DAAM1: variants seen among roughly 807,000 people sequenced by gnomAD.
DAAM1 encodes the protein dishevelled associated activator of morphogenesis 1, also known as disheveled-associated activator of morphogenesis 1.
DAAM1 carries 52 observed loss-of-function variants against 130.0 expected under a neutral mutation model. The observed-to-expected ratio is 0.40, with a 90% CI of 0.32 to 0.50. The LOEUF (loss-of-function observed/expected upper bound fraction) is 0.50, where lower values mean the gene tolerates loss of function less well. Ranked by LOEUF, DAAM1 falls within the 20% of genes least tolerant of loss-of-function variation. The probability of loss-of-function intolerance (pLI) is 0.61; values close to 1 mark genes in which losing one functional copy is unlikely to be tolerated. For synonymous variants in DAAM1, 452 were observed against 444.5 expected, an observed-to-expected ratio of 1.02 and a Z score of -0.21; for missense variants, 1,134 against 1,303.8, an observed-to-expected ratio of 0.87 and a Z score of 2.01.
chr14:59,342,003 A>G (rs1357890492), intron 16 of DAAM1, among the ~76,000 whole-genome samples: 80 of 152,222 alleles, frequency 5.3e-4, no homozygotes, highest in Non-Finnish European at 5.1e-4. Flanking sequence ...ATAAGGTTAC[A>G]TCTCTTTCTG....
Position 59,236,464 on chromosome 14 carries a change from C to A in DAAM1, c.-37-26977C>A, listed in dbSNP as rs181224784. Among the ~76,000 whole-genome samples the A allele has an allele frequency of 2.0e-5, 3 of 152,226 alleles. No homozygotes were observed. The East Asian group carries it at 5.8e-4, about 29-fold the overall frequency. On this transcript the variant is annotated intron_variant, in intron 1 of 24. Transcript: ENST00000360909. ...GAGCATGCCTCACCTTTTCTCCCTT[C>A]AAGCATTTGCTCTCTGGCTGGAACA...
intron 1 of DAAM1, among the ~76,000 whole-genome samples, chr14:59,261,687 G>T (rs1882164095): frequency 6.6e-6 from 1 of 152,148 alleles, no homozygotes; most frequent in Admixed American, 6.5e-5. Flanking sequence ...GGAAGTCTCT[G>T]GAAATTATAG....
chr14:59,342,980 C>T (rs1885910979), intron 16 of DAAM1, among the ~76,000 whole-genome samples: 1 of 152,090 alleles, frequency 6.6e-6, no homozygotes, highest in Non-Finnish European at 1.5e-5. Flanking sequence ...GCAGGAGAGC[C>T]CGAAATTCAG....
At chr14:59,310,624 G>A (rs1884551190) in intron 3 of DAAM1, among the ~76,000 whole-genome samples, 2 of 152,156 alleles carry the variant, frequency 1.3e-5, no homozygotes, top group African/African-American at 4.8e-5. Flanking sequence ...TTCACTTTGT[G>A]TCATACTGAA....
intron 23 of DAAM1, among the ~76,000 whole-genome samples, chr14:59,365,701 T>TA (rs756044771): frequency 1.3e-5 from 2 of 151,976 alleles, no homozygotes; most frequent in African/African-American, 4.8e-5. Flanking sequence ...AGTAAAGCAA[T>TA]AAAAAAACCA....
intron 1 of DAAM1, among the ~76,000 whole-genome samples, chr14:59,246,913 G>T (rs755524451): frequency 6.6e-6 from 1 of 151,976 alleles, no homozygotes; most frequent in Non-Finnish European, 1.5e-5. Flanking sequence ...TTGGTTTTTT[G>T]TTGTTGGATT....
chr14:59,294,100 T>C (rs1883857418), intron 3 of DAAM1, among the ~76,000 whole-genome samples: 2 of 152,104 alleles, frequency 1.3e-5, no homozygotes, highest in Admixed American at 1.3e-4. Flanking sequence ...TTCTCACACA[T>C]AGTAAAGTCA....
At chr14:59,196,725 A>C (rs1020089194) in intron 1 of DAAM1, among the ~76,000 whole-genome samples, 2 of 152,056 alleles carry the variant, frequency 1.3e-5, no homozygotes, top group East Asian at 1.9e-4. Flanking sequence ...CCTGGGTGAC[A>C]GAGCGAGATT....
chr14:59,360,305 A>G (rs564381091), intron 21 of DAAM1, among the ~76,000 whole-genome samples: 1 of 152,368 alleles, frequency 6.6e-6, no homozygotes, highest in East Asian at 1.9e-4. Flanking sequence ...AGTTAATACA[A>G]CTTTAAGAAA....
chr14:59,315,733 C>T (rs1566699322), intron 4 of DAAM1, among the ~76,000 whole-genome samples: 1 of 152,168 alleles, frequency 6.6e-6, no homozygotes, highest in Non-Finnish European at 1.5e-5. Context: ...TAAGCGATTT[C>T]TTTACTATAT....
chr14:59,212,231 A>G (rs934997000), intron 1 of DAAM1, among the ~76,000 whole-genome samples: 1 of 152,232 alleles, frequency 6.6e-6, no homozygotes, highest in Non-Finnish European at 1.5e-5. Flanking sequence ...GTATGTGATC[A>G]TAATAATGCC....
rs17096105 is a variant in DAAM1 at position 59,331,520 on chromosome 14, G to A, written c.1860+12G>A. 96,300 of 1,567,786 alleles carry A rather than the reference G, an allele frequency of 0.061. 4,757 individuals are homozygous for A. Among genetic ancestry groups the A allele is most frequent in the African/African-American group, 0.26 (19,240 of 73,428 alleles). The stretch of plus-strand genomic sequence containing the variant: ...CTAAACTGCCCGAGGTGAGCCATTT[G>A]TTCCAGTTTTCCCTTTAATGGATAG... On this transcript the variant is annotated intron_variant, in intron 14 of 24. Transcript: ENST00000360909.
chr14:59,253,024 A>AT (rs1351220501), intron 1 of DAAM1, among the ~76,000 whole-genome samples: 2 of 151,898 alleles, frequency 1.3e-5, no homozygotes, highest in Admixed American at 6.6e-5. Context: ...CTAATCTTAG[A>AT]TTTTTTCGTG....
At chr14:59,271,657 G>A (rs1882712894) in intron 2 of DAAM1, among the ~76,000 whole-genome samples, 1 of 152,140 alleles carries the variant, frequency 6.6e-6, no homozygotes, top group Non-Finnish European at 1.5e-5. Flanking sequence ...TGAGTCCTAA[G>A]GATATACCAG....
At chr14:59,345,164 C>T (rs745756651) in intron 16 of DAAM1, among the ~76,000 whole-genome samples, 8 of 152,094 alleles carry the variant, frequency 5.3e-5, no homozygotes, top group African/African-American at 9.7e-5. Flanking sequence ...TGCTGCGAGT[C>T]GGTTTTTCCC....
intron 5 of DAAM1, 40 bp downstream of exon 5, chr14:59,320,624 C>G: frequency 2.1e-6 from 3 of 1,430,394 alleles, no homozygotes; most frequent in Non-Finnish European, 2.8e-6. Flanking sequence ...TTTTTTCTCT[C>G]CTTCCTTCCT....
In DAAM1 at chr14:59,226,891, A is replaced by G. The variant is rs574583377; in HGVS notation, c.-37-36550A>G. ...ATTTTAAAGTCCTGTGGATGGCTACATAGGTTGGCATTGCCCAACTCCAGT... is the reference window on the plus strand; with the variant it reads ...ATTTTAAAGTCCTGTGGATGGCTACGTAGGTTGGCATTGCCCAACTCCAGT... On this transcript the variant is annotated intron_variant, in intron 1 of 24. Coordinates refer to ENST00000360909, the MANE Select transcript of DAAM1 (RefSeq NM_001270520.2). 1.6e-3 allele frequency among the ~76,000 whole-genome samples: 250 copies of G among 152,312 alleles called. 1 individual carries two copies. Among genetic ancestry groups the G allele is most frequent in the Middle Eastern group, 3.4e-3 (1 of 294 alleles).
chr14:59,360,937 G>T, intron 22 of DAAM1, 75 bp downstream of exon 22: 1 of 1,335,560 alleles, frequency 7.5e-7, no homozygotes, highest in South Asian at 1.3e-5. Context: ...TCAGCAGATG[G>T]GTTGTGTTGG....
At chr14:59,260,590 C>T (rs1882118975) in intron 1 of DAAM1, among the ~76,000 whole-genome samples, 1 of 152,080 alleles carries the variant, frequency 6.6e-6, no homozygotes, top group South Asian at 2.1e-4. Flanking sequence ...CTGTATAGTC[C>T]TTCATTACAA....
Sources: allele counts gnomAD v4.1 joint callset (sites outside exome capture counted in the v4.1 genomes callset), GRCh38; gene constraint gnomAD v4.1.1; transcripts MANE v1.5; gene names NCBI Gene and HGNC (gene_info 2026-07-23, HGNC 2026-07-21).